The following PCDHA13 variants were observed in gnomAD, a reference collection of about 807,000 sequenced individuals.
The protein encoded by PCDHA13 is protocadherin alpha-13.
A neutral mutation model predicts 64.8 loss-of-function variants in PCDHA13; 54 were observed. The observed-to-expected ratio is 0.83, with a 90% CI of 0.67 to 1.04. The LOEUF (loss-of-function observed/expected upper bound fraction) is 1.04, where lower values mean the gene tolerates loss of function less well. Ranked by LOEUF, PCDHA13 falls within the 50% of genes least tolerant of loss-of-function variation. The pLI is 0.00. For synonymous variants in PCDHA13, 587 were observed against 564.4 expected (o/e 1.04, Z -0.57); for missense variants, 1,248 against 1,254.3 (o/e 0.99, Z 0.08).
intron 1 of PCDHA13, among the ~76,000 whole-genome samples, chr5:140,946,591 A>C (rs972556402): frequency 5.0e-5 from 6 of 119,488 alleles, no homozygotes; most frequent in African/African-American, 2.1e-4. Context: ...ATAGTGGATG[A>C]ATAGATAAAG....
chr5:141,011,122 A>G lies in PCDHA13; in HGVS notation c.*1185A>G, dbSNP rs1554263297. On this transcript the variant is annotated 3_prime_UTR_variant, in exon 4 of 4. Transcript: ENST00000289272. ...TCTCTCTCTTTTCTAAGAAACAATT[A>G]TGTGCACTTTGATACACAACCTTCT... 1 of 153,686 alleles carries G rather than the reference A, an allele frequency of 6.5e-6. No homozygotes were observed. Among genetic ancestry groups the G allele is most frequent in the Non-Finnish European group, 1.5e-5 (1 of 68,034 alleles). 9.5% of individuals were successfully genotyped at this position (153,686 alleles called of 1,614,324 possible).
intron 1 of PCDHA13, among the ~76,000 whole-genome samples, chr5:140,907,922 G>T (rs1554193181): frequency 6.6e-6 from 1 of 152,174 alleles, no homozygotes; most frequent in Admixed American, 6.5e-5. Context: ...ACTCAGAGAG[G>T]TCCATTCACA....
At chr5:140,916,009 C>CA (rs541727470) in intron 1 of PCDHA13, among the ~76,000 whole-genome samples, 78 of 152,190 alleles carry the variant, frequency 5.1e-4, no homozygotes, top group Non-Finnish European at 9.6e-4. Flanking sequence ...AACCACAAGA[C>CA]AAAGTCTTTC....
At chr5:140,954,361 C>T (rs782543125) in intron 1 of PCDHA13, among the ~76,000 whole-genome samples, 18 of 152,220 alleles carry the variant, frequency 1.2e-4, no homozygotes, top group Non-Finnish European at 2.2e-4. Context: ...AATCGCCACA[C>T]AGTCTCCCAC....
chr5:141,004,528 C>T (rs2098169666), intron 3 of PCDHA13, among the ~76,000 whole-genome samples: 1 of 152,230 alleles, frequency 6.6e-6, no homozygotes, highest in Non-Finnish European at 1.5e-5. Flanking sequence ...CCAATACACA[C>T]AGCCATTAAT....
At chr5:140,968,017 C>A in intron 1 of PCDHA13, 1 of 1,614,216 alleles carries the variant, frequency 6.2e-7, no homozygotes, top group South Asian at 1.1e-5. Flanking sequence ...GCTTTGGAAA[C>A]TCCTATACAC....
intron 3 of PCDHA13, among the ~76,000 whole-genome samples, chr5:140,984,315 C>G (rs1254013417): frequency 1.3e-5 from 2 of 152,124 alleles, no homozygotes; most frequent in African/African-American, 4.8e-5. Flanking sequence ...GTGTGTATTC[C>G]TAGGCAAATG....
At chr5:140,966,955 C>T in intron 1 of PCDHA13, 1 of 1,602,734 alleles carries the variant, frequency 6.2e-7, no homozygotes, top group East Asian at 2.2e-5. Context: ...ACGTGGCTCG[C>T]GCGCTGGGGC....
intron 1 of PCDHA13, among the ~76,000 whole-genome samples, chr5:140,910,502 G>C (rs182167004): frequency 2.6e-4 from 39 of 152,266 alleles, no homozygotes. Flanking sequence ...CAATCACAAA[G>C]CTCTTCAAGG....
At chr5:140,927,212 T>C (rs150770754) in intron 1 of PCDHA13, 20 of 1,614,012 alleles carry the variant, frequency 1.2e-5, no homozygotes, top group African/African-American at 1.1e-4. Flanking sequence ...CCGCTGGAGC[T>C]GCACAAGATT....
intron 1 of PCDHA13, among the ~76,000 whole-genome samples, chr5:140,959,868 C>A (rs532801353): frequency 8.5e-5 from 13 of 152,248 alleles, no homozygotes; most frequent in African/African-American, 2.9e-4. Flanking sequence ...GTAGCAAAAT[C>A]TGTCAAGGAA....
At chr5:140,968,757 A>T in intron 1 of PCDHA13, 1 of 1,614,204 alleles carries the variant, frequency 6.2e-7, no homozygotes, top group Non-Finnish European at 8.5e-7. Context: ...GTGGTCCGAG[A>T]TAATGGAGAG....
rs560256618 is a variant in PCDHA13 at position 140,999,889 on chromosome 5, C to T, written c.2543-9738C>T. Among the ~76,000 whole-genome samples the T allele has an allele frequency of 2.0e-5, 3 of 152,292 alleles. No homozygotes were observed. In the East Asian group the frequency reaches 5.8e-4, roughly 29 times the overall value. ...TTACTGAAAATTAGCCCAGCTGTAG[C>T]TTGGGACACCAAACAGCCAAAAAAT... On this transcript the variant is annotated intron_variant, in intron 3 of 3. Coordinates refer to ENST00000289272, the MANE Select transcript of PCDHA13 (RefSeq NM_018904.3).
rs781854362 is a variant in PCDHA13 at position 140,884,401 on chromosome 5, G to T, written c.2133G>T (p.Leu711Phe). Reference protein sequence around the residue: ...IIAICAVSSLLVLTLLLYTAL... With the variant: ...IIAICAVSSLFVLTLLLYTAL... ...CCATCTGCGCGGTGTCCAGCCTGTT[G>T]GTGCTCACGTTGCTGCTGTATACTG... Residue 711 changes from leucine (L) to phenylalanine (F), a missense_variant, in exon 1 of 4, where the codon TTG (leucine) becomes TTT (phenylalanine). Transcript: ENST00000289272. 5 of 1,613,996 alleles carry T rather than the reference G, an allele frequency of 3.1e-6. No individual in the cohort carries two copies. Among genetic ancestry groups the T allele is most frequent in the Non-Finnish European group, 4.2e-6 (5 of 1,179,890 alleles).
intron 1 of PCDHA13, among the ~76,000 whole-genome samples, chr5:140,957,371 T>G (rs1465346844): frequency 3.3e-5 from 5 of 152,206 alleles, no homozygotes; most frequent in Non-Finnish European, 7.4e-5. Context: ...AAACTTTTAT[T>G]ATAGTGTATT....
chr5:140,897,949 G>A (rs2066421771), intron 1 of PCDHA13, among the ~76,000 whole-genome samples: 2 of 152,308 alleles, frequency 1.3e-5, no homozygotes, highest in African/African-American at 2.4e-5. Context: ...GTGATGATTA[G>A]CATTTTTTCA....
rs1554228541 is a variant in PCDHA13 at position 140,966,673 on chromosome 5, T to C, written c.2395-12276T>C. 2.3e-6 allele frequency: 3 copies of C among 1,290,056 alleles called. No homozygotes were observed. The African/African-American group carries it at 4.7e-5, about 20-fold the overall frequency. The allele number at this position is 1,290,056 out of a possible 1,614,324, so 79.9% of individuals were successfully genotyped here. A position where few individuals can be genotyped will look rare whatever the true frequency, so the allele number is the denominator to read the frequency against. On this transcript the variant is annotated intron_variant, in intron 1 of 3. Coordinates refer to ENST00000289272, the MANE Select transcript of PCDHA13 (RefSeq NM_018904.3). ...GAGCGGTGGGGGAGCAGGCGCAGGG[T>C]GGCACGAGCGGAGGCGGGGCCCGGG...
At chr5:140,964,107 G>A (rs1298844061) in intron 1 of PCDHA13, among the ~76,000 whole-genome samples, 1 of 152,090 alleles carries the variant, frequency 6.6e-6, no homozygotes, top group Non-Finnish European at 1.5e-5. Flanking sequence ...AACAGTCTGA[G>A]CAATCACATT....
At chr5:140,961,888 T>C (rs1361187779) in intron 1 of PCDHA13, among the ~76,000 whole-genome samples, 8 of 124,918 alleles carry the variant, frequency 6.4e-5, no homozygotes, top group Non-Finnish European at 9.4e-5. Context: ...CTTACATCAG[T>C]TTTTTTTTTT....
Sources: allele counts gnomAD v4.1 joint callset (sites outside exome capture counted in the v4.1 genomes callset), GRCh38; gene constraint gnomAD v4.1.1; transcripts MANE v1.5; gene names NCBI Gene and HGNC (gene_info 2026-07-23, HGNC 2026-07-21).